SYT1: variants seen among roughly 807,000 people sequenced by gnomAD.
SYT1 encodes the protein synaptotagmin-1.
Under a neutral mutation model 44.8 loss-of-function variants are expected in SYT1, and 8 were observed. The ratio of observed to expected loss-of-function variants is 0.18; its 90% CI spans 0.10 to 0.32. The LOEUF is 0.32. Ranked by LOEUF, SYT1 falls within the 10% of genes least tolerant of loss-of-function variation. The pLI is 1.00. For missense variants in SYT1, 286 were observed against 509.3 expected (o/e 0.56, Z 4.22); for synonymous variants, 154 against 188.8 (o/e 0.82, Z 1.51).
chr12:79,155,757 A>G (rs1290958194), intron 3 of SYT1, among the ~76,000 whole-genome samples: 1 of 152,206 alleles, frequency 6.6e-6, no homozygotes, highest in Non-Finnish European at 1.5e-5. Context: ...TCTCTGACAG[A>G]CTTTTAGTGA....
chr12:79,083,612 A>G (rs879711530), intron 3 of SYT1, among the ~76,000 whole-genome samples: 54 of 152,310 alleles, frequency 3.5e-4, no homozygotes, highest in Non-Finnish European at 2.2e-4. Flanking sequence ...AAGTTGTAAA[A>G]CGTATATTAA....
chr12:79,003,182 C>G (rs1870853377), intron 2 of SYT1, among the ~76,000 whole-genome samples: 1 of 151,870 alleles, frequency 6.6e-6, no homozygotes, highest in Admixed American at 6.6e-5. Context: ...CCATTTTTTT[C>G]CCCTTAAAAA....
intron 1 of SYT1, among the ~76,000 whole-genome samples, chr12:78,974,400 G>A (rs1359822393): frequency 6.6e-6 from 1 of 151,580 alleles, no homozygotes; most frequent in African/African-American, 2.4e-5. Context: ...TAAACATCAG[G>A]TCTTCCGAAA....
At chr12:79,240,895 G>A (rs1876464597) in intron 4 of SYT1, among the ~76,000 whole-genome samples, 1 of 152,130 alleles carries the variant, frequency 6.6e-6, no homozygotes, top group Admixed American at 6.5e-5. Flanking sequence ...AGAAAGGGCT[G>A]GGCACAATGG....
At chr12:79,448,860 T>C (rs1442011708) in intron 10 of SYT1, 58 bp from the exon 11 acceptor site, 77 of 1,508,912 alleles carry the variant, frequency 5.1e-5, no homozygotes, top group Non-Finnish European at 7.1e-5. Context: ...GGACGCTTTA[T>C]AGTCGGGCCT....
intron 3 of SYT1, among the ~76,000 whole-genome samples, chr12:79,148,086 T>C (rs969347518): frequency 2.0e-5 from 3 of 152,208 alleles, no homozygotes; most frequent in Non-Finnish European, 4.4e-5. Context: ...AAGTTTGTGA[T>C]AAATGGTTCA....
At chr12:79,265,259 A>T (rs1031330646) in intron 4 of SYT1, among the ~76,000 whole-genome samples, 1 of 152,108 alleles carries the variant, frequency 6.6e-6, no homozygotes, top group Non-Finnish European at 1.5e-5. Flanking sequence ...CATTTTATAC[A>T]GAGGAAAACT....
intron 9 of SYT1, among the ~76,000 whole-genome samples, chr12:79,400,389 G>A (rs1461524852): frequency 7.2e-5 from 11 of 152,116 alleles, no homozygotes; most frequent in Non-Finnish European, 2.9e-5. Context: ...CCTACTGCCT[G>A]CAAAATTAAG....
intron 8 of SYT1, among the ~76,000 whole-genome samples, chr12:79,313,673 A>G (rs1383898359): frequency 6.6e-6 from 1 of 151,862 alleles, no homozygotes; most frequent in Non-Finnish European, 1.5e-5. Flanking sequence ...ATGGTGAGAC[A>G]GAACTACAGG....
At chr12:79,153,936 A>T (rs941986412) in intron 3 of SYT1, among the ~76,000 whole-genome samples, 2 of 152,168 alleles carry the variant, frequency 1.3e-5, no homozygotes, top group African/African-American at 4.8e-5. Flanking sequence ...TTTTACAGTC[A>T]GAGAAATTGA....
At chr12:79,259,558 C>T (rs1011241320) in intron 4 of SYT1, among the ~76,000 whole-genome samples, 1 of 152,078 alleles carries the variant, frequency 6.6e-6, no homozygotes, top group African/African-American at 2.4e-5. Context: ...CATATGGAGA[C>T]CCCATCTCTA....
In SYT1 at chr12:79,041,676, T is replaced by A. The variant is rs961751618; in HGVS notation, c.-83-5621T>A. ...CCAACACTATGTTGAATAGGAGTGG[T>A]GAGACAGGGCATCCCTGTCTTGTGC... is the stretch of plus-strand genomic sequence containing the variant. On this transcript the variant is annotated intron_variant, in intron 2 of 10. Coordinates refer to ENST00000261205, the MANE Select transcript of SYT1 (RefSeq NM_005639.3). Among the ~76,000 whole-genome samples the A allele has an allele frequency of 2.0e-5, 3 of 152,162 alleles. No homozygotes were observed. The South Asian group carries it at 6.2e-4, about 32-fold the overall frequency.
intron 2 of SYT1, among the ~76,000 whole-genome samples, chr12:79,011,882 A>G (rs1213772937): frequency 6.6e-6 from 1 of 152,118 alleles, no homozygotes; most frequent in Non-Finnish European, 1.5e-5. Context: ...CTGTAATCCC[A>G]GCACTTTGCG....
chr12:79,438,727 C>A (rs1425992326), intron 9 of SYT1, among the ~76,000 whole-genome samples: 1 of 152,192 alleles, frequency 6.6e-6, no homozygotes, highest in Non-Finnish European at 1.5e-5. Context: ...CATCTGGTCA[C>A]CATGCTAGGA....
chr12:78,903,325 G>T (rs1016776329), intron 1 of SYT1, among the ~76,000 whole-genome samples: 4 of 151,252 alleles, frequency 2.6e-5, no homozygotes, highest in African/African-American at 7.3e-5. Flanking sequence ...TCACTGTGTC[G>T]CTCAGGCTGG....
chr12:79,203,014 C>G (rs1300886233), intron 3 of SYT1, among the ~76,000 whole-genome samples: 1 of 151,886 alleles, frequency 6.6e-6, no homozygotes, highest in East Asian at 1.9e-4. Flanking sequence ...AGCTAGGAGT[C>G]AGAGGCACAT....
chr12:79,330,307 G>C (rs1881797907), intron 8 of SYT1, among the ~76,000 whole-genome samples: 1 of 152,176 alleles, frequency 6.6e-6, no homozygotes, highest in African/African-American at 2.4e-5. Flanking sequence ...GAAGAATCTG[G>C]CTGTGAACAC....
chr12:79,426,121 G>A (rs1405800175), intron 9 of SYT1, among the ~76,000 whole-genome samples: 1 of 151,588 alleles, frequency 6.6e-6, no homozygotes, highest in African/African-American at 2.4e-5. Flanking sequence ...CAGACTTGGA[G>A]TCCTAATCAC....
chr12:79,064,926 G>GAGAAAGAA (rs200335076), intron 3 of SYT1, among the ~76,000 whole-genome samples: 5,805 of 111,322 alleles, frequency 0.052, 233 homozygotes, highest in East Asian at 0.09. Flanking sequence ...AAAAAATAGA[G>GAGAAAGAA]AGAAAGAAAG....
Sources: gnomAD v4.1 joint callset for allele counts (sites outside exome capture counted in the v4.1 genomes callset) on GRCh38, gnomAD v4.1.1 for gene constraint, MANE v1.5 for transcripts, NCBI Gene and HGNC (gene_info 2026-07-23, HGNC 2026-07-21) for gene names.